Variants in ANO6 observed in about 807,000 individuals in gnomAD.
The protein encoded by ANO6 is anoctamin-6.
In ANO6, 106 loss-of-function variants were observed where a neutral mutation model predicts 117.5. The ratio of observed to expected loss-of-function variants is 0.90; its 90% CI spans 0.77 to 1.06. The LOEUF is 1.06. Among genes scored for constraint, ANO6 ranks in the 50% least tolerant of loss-of-function variants. ANO6 has a pLI of 0.00. For missense variants in ANO6, 955 were observed against 1,121.1 expected, an observed-to-expected ratio of 0.85 and a Z score of 2.12; for synonymous variants, 367 against 385.1, an observed-to-expected ratio of 0.95 and a Z score of 0.55.
chr12:45,267,570 AC>A (rs1024797859), intron 1 of ANO6, among the ~76,000 whole-genome samples: 6 of 152,040 alleles, frequency 3.9e-5, no homozygotes, highest in African/African-American at 1.5e-4. Context: ...CGGGTGGATC[AC>A]TTGAGGGTCA....
intron 16 of ANO6, 123 bp downstream of exon 16, chr12:45,409,610 T>C (rs1388356189): frequency 8.7e-7 from 1 of 1,151,844 alleles, no homozygotes; most frequent in African/African-American, 1.5e-5. Context: ...AGTATGTTTT[T>C]CTCCACTAGA....
chr12:45,432,024 G>C lies in ANO6; in HGVS notation c.*2713G>C. 1.0e-6 allele frequency: 1 copy of C among 985,340 alleles called. No individual in the cohort carries two copies. Among genetic ancestry groups the C allele is most frequent in the East Asian group, 1.1e-4 (1 of 8,816 alleles). 61.0% of individuals were successfully genotyped at this position (985,340 alleles called of 1,614,324 possible). A position where few individuals can be genotyped will look rare whatever the true frequency, so the allele number is the denominator to read the frequency against. On this transcript the variant is annotated 3_prime_UTR_variant, in exon 20 of 20. Coordinates refer to ENST00000320560, the MANE Select transcript of ANO6 (RefSeq NM_001025356.3). ...GGCCATCTTATAAACTGTCACCAAA[G>C]TCTTCCCTTTTTTATTGCATGTGTG...
At chr12:45,377,143 GTTT>G (rs35290139) in intron 9 of ANO6, among the ~76,000 whole-genome samples, 1 of 140,302 alleles carries the variant, frequency 7.1e-6, no homozygotes, top group Admixed American at 7.2e-5. Flanking sequence ...ATTTGAAAAG[GTTT>G]TTTTTTTTTT....
At chr12:45,394,493 C>A (rs1942553350) in intron 12 of ANO6, among the ~76,000 whole-genome samples, 2 of 152,158 alleles carry the variant, frequency 1.3e-5, no homozygotes, top group Non-Finnish European at 1.5e-5. Context: ...AACAAGCAGA[C>A]CTAATGGACA....
Position 45,359,993 on chromosome 12 carries a change from G to C in ANO6, c.998+2569G>C, listed in dbSNP as rs73281514. Among the ~76,000 whole-genome samples, 767 of 152,250 alleles carry C rather than the reference G, an allele frequency of 5.0e-3. 4 individuals carry two copies. Among genetic ancestry groups the C allele is most frequent in the African/African-American group, 0.017 (724 of 41,552 alleles). ...TGAAGTGGTATGTCATTGCAGTTTT[G>C]ACTTTGTTTTCTCTAATGTCTACTG... On this transcript the variant is annotated intron_variant, in intron 8 of 19. Coordinates refer to ENST00000320560, the MANE Select transcript of ANO6 (RefSeq NM_001025356.3).
At chr12:45,289,928 A>G (rs1218586870) in intron 1 of ANO6, among the ~76,000 whole-genome samples, 2 of 152,226 alleles carry the variant, frequency 1.3e-5, no homozygotes, top group Non-Finnish European at 2.9e-5. Context: ...TCAAACATCC[A>G]TAAAGTGCTG....
In ANO6 at chr12:45,230,987, G is replaced by A. The variant is rs187359487; in HGVS notation, c.70+14596G>A. On this transcript the variant is annotated intron_variant, in intron 1 of 19. Coordinates refer to ENST00000320560, the MANE Select transcript of ANO6 (RefSeq NM_001025356.3). ...CCAAGAGTGGTGGTGCATGCCTGTA[G>A]TCCCAGCTACTCGGGAGGCTGAGGT... Among the ~76,000 whole-genome samples, 927 of 152,170 alleles carry A rather than the reference G, an allele frequency of 6.1e-3. 11 individuals are homozygous for A. Among genetic ancestry groups the A allele is most frequent in the African/African-American group, 0.02 (815 of 41,516 alleles).
At chr12:45,319,098 G>A (rs1480184325) in intron 2 of ANO6, among the ~76,000 whole-genome samples, 6 of 152,018 alleles carry the variant, frequency 3.9e-5, no homozygotes, top group South Asian at 4.1e-4. Context: ...CTAATTGAAT[G>A]TCCTTTATTT....
At chr12:45,254,557 C>G (rs1464273728) in intron 1 of ANO6, among the ~76,000 whole-genome samples, 1 of 152,216 alleles carries the variant, frequency 6.6e-6, no homozygotes, top group Non-Finnish European at 1.5e-5. Flanking sequence ...AGGACCAACT[C>G]TTTGTCACAT....
At chr12:45,432,874 G>A (rs930677757), downstream of ANO6, among the ~76,000 whole-genome samples, 6 of 152,134 alleles carry the variant, frequency 3.9e-5, no homozygotes, top group Non-Finnish European at 8.8e-5. Flanking sequence ...ATATGTAAAT[G>A]GACAATGGCC....
chr12:45,301,534 T>C (rs1190920587), intron 1 of ANO6, among the ~76,000 whole-genome samples: 1 of 151,950 alleles, frequency 6.6e-6, no homozygotes, highest in Non-Finnish European at 1.5e-5. Context: ...GGAGGATCAC[T>C]TGAGCCCAGG....
intron 2 of ANO6, chr12:45,313,625 C>T (rs549362315): frequency 6.6e-6 from 1 of 152,088 alleles, no homozygotes; most frequent in Non-Finnish European, 1.5e-5. Flanking sequence ...GGAATTAGTT[C>T]TGTTCTTCTT....
intron 1 of ANO6, among the ~76,000 whole-genome samples, chr12:45,220,512 A>G (rs773839261): frequency 6.6e-6 from 1 of 152,188 alleles, no homozygotes; most frequent in Non-Finnish European, 1.5e-5. Flanking sequence ...ACATTGATTG[A>G]GCAATCCTTC....
intron 12 of ANO6, among the ~76,000 whole-genome samples, chr12:45,401,407 T>G (rs931379968): frequency 6.6e-6 from 1 of 152,244 alleles, no homozygotes; most frequent in African/African-American, 2.4e-5. Context: ...TACACTCATT[T>G]TTTTCCTTCT....
At position 45,367,711 on chromosome 12, in the gene ANO6, T is replaced by C; in HGVS notation, c.1022T>C (p.Ile341Thr). The C allele has an allele frequency of 1.2e-6, 2 of 1,613,356 alleles. No individual in the cohort carries two copies. Among genetic ancestry groups the C allele is most frequent in the Non-Finnish European group, 1.7e-6 (2 of 1,179,762 alleles). ...AGCAAAGAAGTTTGTCATCCTGATA[T>C]TGGTGGCAAGATCATAATGTGTCCT... ...TWSKEVCHPD[I>T]GGKIIMCPQC... The change falls in exon 9 of 20, where the codon ATT becomes ACT. Residue 341 changes from isoleucine to threonine, a missense_variant. Coordinates refer to ENST00000320560, the MANE Select transcript of ANO6 (RefSeq NM_001025356.3).
At chr12:45,388,064 A>C in intron 10 of ANO6, 97 bp from the exon 11 acceptor site, 1 of 1,501,016 alleles carries the variant, frequency 6.7e-7, no homozygotes, top group Non-Finnish European at 9.2e-7. Flanking sequence ...GTGTGAAAAC[A>C]GGCCAGTACA....
intron 12 of ANO6, among the ~76,000 whole-genome samples, chr12:45,397,379 C>T (rs1053421013): frequency 6.6e-6 from 1 of 152,154 alleles, no homozygotes; most frequent in African/African-American, 2.4e-5. Flanking sequence ...AATGCTTTTA[C>T]ACTGTTGGGA....
intron 1 of ANO6, among the ~76,000 whole-genome samples, chr12:45,271,224 C>T (rs1255734184): frequency 1.3e-5 from 2 of 152,066 alleles, no homozygotes; most frequent in Admixed American, 6.5e-5. Flanking sequence ...CAGGGACCTT[C>T]GAATAACATA....
intron 16 of ANO6, among the ~76,000 whole-genome samples, chr12:45,411,929 C>A (rs567172392): frequency 1.3e-5 from 2 of 152,106 alleles, no homozygotes; most frequent in South Asian, 2.1e-4. Flanking sequence ...GTGCCTGGAA[C>A]CTTATACTCA....
Sources: allele counts gnomAD v4.1 joint callset (sites outside exome capture counted in the v4.1 genomes callset), GRCh38; gene constraint gnomAD v4.1.1; transcripts MANE v1.5; gene names NCBI Gene and HGNC (gene_info 2026-07-23, HGNC 2026-07-21).